The following TRPM3 variants were observed in gnomAD, a reference collection of about 807,000 sequenced individuals.
TRPM3 encodes the protein transient receptor potential cation channel subfamily M member 3, also known as long transient receptor potential channel 3.
In TRPM3, 77 loss-of-function variants were observed where a neutral mutation model predicts 181.2. The observed-to-expected ratio is 0.42, with a 90% CI of 0.35 to 0.51. The LOEUF is 0.51. Among genes scored for constraint, TRPM3 ranks in the 20% least tolerant of loss-of-function variants. The probability of loss-of-function intolerance (pLI) is 0.01; values close to 1 mark genes in which losing one functional copy is unlikely to be tolerated. For synonymous variants in TRPM3, 745 were observed against 796.4 expected (o/e 0.94, Z 1.09); for missense variants, 1,759 against 2,196.7 (o/e 0.80, Z 3.98).
intron 6 of TRPM3, among the ~76,000 whole-genome samples, chr9:70,823,568 C>T (rs10868895): frequency 0.39 from 59,397 of 152,108 alleles, 11,959 homozygotes; most frequent in African/African-American, 0.44. Flanking sequence ...CCAATGCACA[C>T]GTGTGCATGC....
At chr9:71,072,581 T>G (rs2133573248) in intron 1 of TRPM3, among the ~76,000 whole-genome samples, 1 of 152,334 alleles carries the variant, frequency 6.6e-6, no homozygotes, top group South Asian at 2.1e-4. Flanking sequence ...CACACAGTTC[T>G]TGGGTTGCAG....
chr9:71,204,387 G>C lies in TRPM3; in HGVS notation c.183+242266C>G, dbSNP rs1349117221. ...ACAAGAAAAAAACAAACAACCCCAT[G>C]AACAAGTAGGCAAAGGATATGAACA... On this transcript the variant is annotated intron_variant, in intron 1 of 24. Coordinates refer to the TRPM3 transcript ENST00000357533. Among the ~76,000 whole-genome samples, 41 of 151,798 alleles carry C rather than the reference G, an allele frequency of 2.7e-4. 1 individual carries two copies. In the South Asian group the frequency reaches 6.7e-3, roughly 25 times the overall value.
intron 22 of TRPM3, among the ~76,000 whole-genome samples, chr9:70,563,415 C>T (rs1254817632): frequency 6.6e-6 from 1 of 152,142 alleles, no homozygotes; most frequent in Non-Finnish European, 1.5e-5. Flanking sequence ...TTTCCCTTGC[C>T]CTGCTCACAG....
At chr9:70,811,835 G>C (rs2092094961) in intron 6 of TRPM3, among the ~76,000 whole-genome samples, 1 of 152,110 alleles carries the variant, frequency 6.6e-6, no homozygotes, top group African/African-American at 2.4e-5. Context: ...TTGAAACAAA[G>C]CTAACATGTT....
In TRPM3 at chr9:70,758,952, A is replaced by C. The variant is rs373142395; in HGVS notation, c.1272+2649T>G. On this transcript the variant is annotated intron_variant, in intron 8 of 25. Transcript: ENST00000677713. ...ACTTCATGACTAAAACATCAAAAGC[A>C]ATGGCAACACAAGCCAAAATTGACA... Among the ~76,000 whole-genome samples the C allele has an allele frequency of 1.5e-3, 234 of 152,346 alleles. 3 individuals are homozygous for C. In the South Asian group the frequency reaches 0.019, roughly 12 times the overall value.
chr9:71,248,239 C>T (rs2082146666), intron 1 of TRPM3, among the ~76,000 whole-genome samples: 1 of 152,196 alleles, frequency 6.6e-6, no homozygotes, highest in Admixed American at 6.5e-5. Flanking sequence ...TCTAAGCAAT[C>T]ATAAAAATCA....
intron 4 of TRPM3, among the ~76,000 whole-genome samples, chr9:70,844,461 G>T (rs2094860999): frequency 6.6e-6 from 1 of 151,704 alleles, no homozygotes; most frequent in African/African-American, 2.4e-5. Context: ...AACAAAAACA[G>T]ACCCGAACCA....
intron 1 of TRPM3, among the ~76,000 whole-genome samples, chr9:71,054,894 A>G (rs1486957063): frequency 4.6e-5 from 7 of 152,174 alleles, no homozygotes; most frequent in African/African-American, 1.7e-4. Flanking sequence ...AGACAATAAC[A>G]GTAGCTTATA....
chr9:70,662,604 A>C (rs1385685886), intron 9 of TRPM3, among the ~76,000 whole-genome samples: 1 of 152,202 alleles, frequency 6.6e-6, no homozygotes, highest in Non-Finnish European at 1.5e-5. Flanking sequence ...ACTTCTCAAA[A>C]GAAGATATAC....
chr9:71,122,795 T>G (rs2073787670), upstream of TRPM3, among the ~76,000 whole-genome samples: 1 of 152,184 alleles, frequency 6.6e-6, no homozygotes, highest in Non-Finnish European at 1.5e-5. Flanking sequence ...AGTCCACGGG[T>G]GGAAGGCAGA....
chr9:71,406,541 A>G (rs2093438721), intron 1 of TRPM3, among the ~76,000 whole-genome samples: 1 of 152,168 alleles, frequency 6.6e-6, no homozygotes, highest in Non-Finnish European at 1.5e-5. Flanking sequence ...ACACACACAT[A>G]TGCAGTGACA....
In TRPM3 at chr9:71,356,535, C is replaced by T. The variant is rs915924269; in HGVS notation, c.183+90118G>A. 1.2e-4 allele frequency among the ~76,000 whole-genome samples: 18 copies of T among 152,036 alleles called. 1 individual carries two copies. The highest frequency in any genetic ancestry group is 2.6e-4 in the Admixed American group (4 of 15,264). ...TCAGCTTCTTTCTGTCTTTATGAGG[C>T]ACATTACTTCACTTAGCTAAGCCTG... is the stretch of plus-strand genomic sequence containing the variant. On this transcript the variant is annotated intron_variant, in intron 1 of 24. Coordinates refer to the TRPM3 transcript ENST00000357533.
intron 1 of TRPM3, among the ~76,000 whole-genome samples, chr9:71,114,674 C>G (rs1283093646): frequency 6.6e-6 from 1 of 152,076 alleles, no homozygotes; most frequent in Admixed American, 6.5e-5. Flanking sequence ...TCAGCCTTTG[C>G]CCCAAAGTGA....
intron 1 of TRPM3, among the ~76,000 whole-genome samples, chr9:71,033,323 T>G (rs190055665): frequency 6.6e-6 from 1 of 152,350 alleles, no homozygotes; most frequent in Non-Finnish European, 1.5e-5. Context: ...AGCACAGTAC[T>G]TCTTCACTTA....
intron 5 of TRPM3, among the ~76,000 whole-genome samples, chr9:70,831,981 A>ATATATATATATATATATT (rs1564497373): frequency 0.026 from 3,071 of 119,340 alleles, 105 homozygotes; most frequent in Non-Finnish European, 0.041. Context: ...ATATATATAT[A>ATATATATATATATATATT]TATATATATA....
intron 22 of TRPM3, among the ~76,000 whole-genome samples, chr9:70,581,787 A>C (rs1308275033): frequency 6.6e-6 from 1 of 152,098 alleles, no homozygotes. Flanking sequence ...GGCTGTCTGC[A>C]TGGGCCTCAA....
chr9:70,806,946 AGAT>A (rs766183891), intron 6 of TRPM3, among the ~76,000 whole-genome samples: 1 of 152,230 alleles, frequency 6.6e-6, no homozygotes, highest in Non-Finnish European at 1.5e-5. Context: ...CCTGGTTTTA[AGAT>A]GATTATCTCA....
intron 1 of TRPM3, among the ~76,000 whole-genome samples, chr9:70,952,835 C>T (rs552692598): frequency 6.6e-6 from 1 of 151,968 alleles, no homozygotes; most frequent in Admixed American, 6.6e-5. Context: ...TGGATTTAAT[C>T]CAGAAAATCA....
intron 1 of TRPM3, among the ~76,000 whole-genome samples, chr9:71,047,045 G>A (rs1199689386): frequency 6.6e-6 from 1 of 152,108 alleles, no homozygotes; most frequent in Non-Finnish European, 1.5e-5. Flanking sequence ...AAAAACACAA[G>A]GTTTTCTTAT....
Sources: gnomAD v4.1 joint callset for allele counts (sites outside exome capture counted in the v4.1 genomes callset) on GRCh38, gnomAD v4.1.1 for gene constraint, MANE v1.5 for transcripts, NCBI Gene and HGNC (gene_info 2026-07-23, HGNC 2026-07-21) for gene names.